PAPSS2: variants seen among roughly 807,000 people sequenced by gnomAD.
PAPSS2 encodes bifunctional 3'-phosphoadenosine 5'-phosphosulfate synthase 2.
PAPSS2 carries 61 observed loss-of-function variants against 66.5 expected under a neutral mutation model. The ratio of observed to expected loss-of-function variants is 0.92; its 90% CI spans 0.75 to 1.14. The LOEUF (loss-of-function observed/expected upper bound fraction) is 1.14, where lower values mean the gene tolerates loss of function less well. Ranked by LOEUF, PAPSS2 falls within the 50% of genes most tolerant of loss-of-function variation. PAPSS2 has a pLI of 0.00. For synonymous variants in PAPSS2, 289 were observed against 287.5 expected, an observed-to-expected ratio of 1.01 and a Z score of -0.05; for missense variants, 708 against 789.6, an observed-to-expected ratio of 0.90 and a Z score of 1.24.
At chr10:87,689,194 G>A (rs1853131817) in intron 1 of PAPSS2, among the ~76,000 whole-genome samples, 1 of 149,980 alleles carries the variant, frequency 6.7e-6, no homozygotes, top group Non-Finnish European at 1.5e-5. Context: ...TACAAAATTA[G>A]CCGGGCATGG....
intron 1 of PAPSS2, among the ~76,000 whole-genome samples, chr10:87,672,821 G>T (rs1188281999): frequency 6.6e-6 from 1 of 152,144 alleles, no homozygotes; most frequent in African/African-American, 2.4e-5. Context: ...AGCTAGGAAT[G>T]GTTTTTACAT....
intron 10 of PAPSS2, among the ~76,000 whole-genome samples, 190 bp downstream of exon 10, chr10:87,741,560 A>T (rs1853870479): frequency 5.9e-5 from 9 of 151,864 alleles, no homozygotes; most frequent in Admixed American, 5.2e-4. Context: ...ACGCCCAGCT[A>T]ATTTTTGTAT....
intron 4 of PAPSS2, 43 bp downstream of exon 4, chr10:87,714,225 T>A: frequency 6.3e-7 from 1 of 1,591,464 alleles, no homozygotes; most frequent in Non-Finnish European, 8.6e-7. Context: ...ACATAGGCTG[T>A]CAGTCCTCAG....
chr10:87,722,353 T>C (rs959332816), intron 8 of PAPSS2, among the ~76,000 whole-genome samples: 2 of 152,214 alleles, frequency 1.3e-5, no homozygotes, highest in African/African-American at 2.4e-5. Context: ...AAGGTAGAAT[T>C]CTGAATATGT....
At chr10:87,699,615 G>C (rs1378245995) in intron 1 of PAPSS2, among the ~76,000 whole-genome samples, 1 of 152,110 alleles carries the variant, frequency 6.6e-6, no homozygotes, top group African/African-American at 2.4e-5. Context: ...ACTTTGGGAG[G>C]CTGAGGCGGG....
At chr10:87,723,289 C>T (rs1853617962) in intron 8 of PAPSS2, among the ~76,000 whole-genome samples, 1 of 152,170 alleles carries the variant, frequency 6.6e-6, no homozygotes, top group South Asian at 2.1e-4. Flanking sequence ...CTTTGTTAGC[C>T]TCTCTCCCTT....
chr10:87,692,520 C>T (rs1853184416), intron 1 of PAPSS2, among the ~76,000 whole-genome samples: 1 of 152,030 alleles, frequency 6.6e-6, no homozygotes. Flanking sequence ...TGAGAGAGAA[C>T]ATTATCTTGG....
At chr10:87,692,989 T>G (rs1853189821) in intron 1 of PAPSS2, among the ~76,000 whole-genome samples, 1 of 152,190 alleles carries the variant, frequency 6.6e-6, no homozygotes, top group Non-Finnish European at 1.5e-5. Flanking sequence ...TTGAATATAA[T>G]GGTGAGCATG....
chr10:87,743,282 A>G, intron 10 of PAPSS2, 91 bp from the exon 11 acceptor site: 2 of 1,379,732 alleles, frequency 1.4e-6, no homozygotes, highest in Non-Finnish European at 2.1e-6. Context: ...GAATGCACAG[A>G]ACAATAAACA....
At chr10:87,744,296 A>G (rs1464950786) in intron 11 of PAPSS2, among the ~76,000 whole-genome samples, 1 of 152,196 alleles carries the variant, frequency 6.6e-6, no homozygotes, top group Non-Finnish European at 1.5e-5. Flanking sequence ...TTAGGAAAGG[A>G]TATCTTTAAA....
intron 7 of PAPSS2, among the ~76,000 whole-genome samples, chr10:87,721,246 T>C (rs542907322): frequency 6.6e-6 from 1 of 152,344 alleles, no homozygotes; most frequent in East Asian, 1.9e-4. Flanking sequence ...CAGGTTGTCC[T>C]GGATCTAATG....
At chr10:87,716,365 G>A (rs1853532697) in intron 7 of PAPSS2, among the ~76,000 whole-genome samples, 1 of 152,182 alleles carries the variant, frequency 6.6e-6, no homozygotes. Flanking sequence ...TAACAAAAGA[G>A]CATTAAGGCA....
intron 1 of PAPSS2, among the ~76,000 whole-genome samples, chr10:87,674,891 T>C (rs899914754): frequency 1.3e-5 from 2 of 152,222 alleles, no homozygotes; most frequent in African/African-American, 2.4e-5. Flanking sequence ...TAGGCGACCA[T>C]AGGGGTTTTT....
At chr10:87,726,458 G>A (rs1048012045) in intron 8 of PAPSS2, among the ~76,000 whole-genome samples, 15 of 152,104 alleles carry the variant, frequency 9.9e-5, no homozygotes, top group Admixed American at 2.6e-4. Flanking sequence ...TAAATTAACA[G>A]TGCATTTAAA....
At chr10:87,684,864 G>C (rs1367260367) in intron 1 of PAPSS2, among the ~76,000 whole-genome samples, 3 of 152,116 alleles carry the variant, frequency 2.0e-5, no homozygotes, top group African/African-American at 4.8e-5. Flanking sequence ...GGTAGCCCAG[G>C]CTCCCTACCC....
At chr10:87,727,250 C>CTAA in intron 8 of PAPSS2, 34 bp from the exon 9 acceptor site, 1 of 1,562,300 alleles carries the variant, frequency 6.4e-7, no homozygotes, top group Non-Finnish European at 8.8e-7. Context: ...CACCTTATAT[C>CTAA]TAGTTTTCGT....
intron 3 of PAPSS2, 86 bp downstream of exon 3, chr10:87,713,396 G>T (rs746583351): frequency 4.0e-6 from 3 of 748,528 alleles, no homozygotes; most frequent in Admixed American, 4.5e-5. Flanking sequence ...GGAAGGAATC[G>T]GAGAGGGAGG....
chr10:87,668,614 T>C (rs1277094316), intron 1 of PAPSS2, among the ~76,000 whole-genome samples: 2 of 152,026 alleles, frequency 1.3e-5, no homozygotes, highest in Non-Finnish European at 2.9e-5. Context: ...TTCTACTAAG[T>C]TGAACATTAT....
chr10:87,699,324 T>C (rs1480959600), intron 1 of PAPSS2, among the ~76,000 whole-genome samples: 4 of 152,238 alleles, frequency 2.6e-5, no homozygotes, highest in Admixed American at 2.0e-4. Flanking sequence ...AGTTTCCCTC[T>C]GTTACCCAGG....
Sources: gnomAD v4.1 joint callset for allele counts (sites outside exome capture counted in the v4.1 genomes callset) on GRCh38, gnomAD v4.1.1 for gene constraint, MANE v1.5 for transcripts, NCBI Gene and HGNC (gene_info 2026-07-23, HGNC 2026-07-21) for gene names.